Variants in DCLK1 observed in about 807,000 individuals in gnomAD.
DCLK1 encodes serine/threonine-protein kinase DCLK1.
DCLK1 carries 16 observed loss-of-function variants against 86.2 expected under a neutral mutation model. The ratio of observed to expected loss-of-function variants is 0.19; its 90% CI spans 0.13 to 0.28. The LOEUF is 0.28. Among genes scored for constraint, DCLK1 ranks in the 10% least tolerant of loss-of-function variants. The probability of loss-of-function intolerance (pLI) is 1.00; values close to 1 mark genes in which losing one functional copy is unlikely to be tolerated. For missense variants in DCLK1, 590 were observed against 940.2 expected, an observed-to-expected ratio of 0.63 and a Z score of 4.87; for synonymous variants, 369 against 370.5, an observed-to-expected ratio of 1.00 and a Z score of 0.05.
At chr13:35,984,730 T>G (rs1262872643) in intron 3 of DCLK1, among the ~76,000 whole-genome samples, 1 of 152,172 alleles carries the variant, frequency 6.6e-6, no homozygotes, top group Non-Finnish European at 1.5e-5. Flanking sequence ...ATTCCCCTTC[T>G]TCTTCAATTT....
intron 8 of DCLK1, among the ~76,000 whole-genome samples, chr13:35,832,762 C>T (rs1204164375): frequency 6.6e-6 from 1 of 152,178 alleles, no homozygotes; most frequent in Non-Finnish European, 1.5e-5. Flanking sequence ...CTGAGGCATT[C>T]CACAGTGTCT....
chr13:35,858,584 A>G (rs528911833), intron 5 of DCLK1, among the ~76,000 whole-genome samples: 21 of 152,272 alleles, frequency 1.4e-4, no homozygotes, highest in African/African-American at 4.6e-4. Flanking sequence ...TAGCATCTGC[A>G]GGGCTGAGGA....
At chr13:35,914,361 A>ATGTG (rs1875267991) in intron 4 of DCLK1, among the ~76,000 whole-genome samples, 2 of 90,310 alleles carry the variant, frequency 2.2e-5, no homozygotes, top group African/African-American at 1.1e-4. Flanking sequence ...ATATATATAT[A>ATGTG]TATATATGTA....
intron 8 of DCLK1, among the ~76,000 whole-genome samples, chr13:35,829,209 GT>G (rs1372129930): frequency 1.3e-5 from 2 of 152,210 alleles, no homozygotes; most frequent in East Asian, 3.9e-4. Context: ...GAAGGATTTA[GT>G]CGTATCGCTA....
chr13:35,830,110 G>A (rs1464065173), intron 8 of DCLK1, among the ~76,000 whole-genome samples: 7 of 152,194 alleles, frequency 4.6e-5, no homozygotes, highest in Admixed American at 4.6e-4. Context: ...ACGTGGGTTG[G>A]GGCAGTGGCT....
intron 5 of DCLK1, chr13:35,855,633 G>A (rs1871004692): frequency 1.3e-6 from 2 of 1,497,334 alleles, no homozygotes; most frequent in African/African-American, 1.4e-5. Context: ...GTTTAAGGAT[G>A]GCTAAGGCTG....
At chr13:35,860,887 G>C (rs1871344255) in intron 5 of DCLK1, among the ~76,000 whole-genome samples, 1 of 152,198 alleles carries the variant, frequency 6.6e-6, no homozygotes, top group South Asian at 2.1e-4. Context: ...GCTTTAGACA[G>C]CTGAAGAGAC....
At chr13:35,909,633 G>A (rs1229999910) in intron 4 of DCLK1, among the ~76,000 whole-genome samples, 1 of 66,238 alleles carries the variant, frequency 1.5e-5, no homozygotes, top group Non-Finnish European at 3.6e-5. Flanking sequence ...GTGTGTGTGT[G>A]TGTGTGTATT....
At chr13:36,037,117 A>G (rs1270985805) in intron 3 of DCLK1, among the ~76,000 whole-genome samples, 1 of 152,212 alleles carries the variant, frequency 6.6e-6, no homozygotes, top group Non-Finnish European at 1.5e-5. Flanking sequence ...GGAGGCCATT[A>G]TGATAAGTGA....
At chr13:36,084,282 C>T (rs1472619614) in intron 3 of DCLK1, among the ~76,000 whole-genome samples, 1 of 152,118 alleles carries the variant, frequency 6.6e-6, no homozygotes, top group African/African-American at 2.4e-5. Flanking sequence ...TTTCCCTTAT[C>T]CCCAGACAGT....
At chr13:35,846,817 C>T in intron 6 of DCLK1, 1 of 985,056 alleles carries the variant, frequency 1.0e-6, no homozygotes, top group Non-Finnish European at 1.2e-6. Flanking sequence ...TTAACATTTT[C>T]AAGTGTGTAT....
chr13:35,815,275 A>G (rs1181083123), intron 11 of DCLK1, among the ~76,000 whole-genome samples: 1 of 152,244 alleles, frequency 6.6e-6, no homozygotes, highest in African/African-American at 2.4e-5. Context: ...AAAATAAAAC[A>G]TTTAATATAT....
intron 16 of DCLK1, among the ~76,000 whole-genome samples, chr13:35,789,964 T>C (rs1309706927): frequency 1.3e-5 from 2 of 152,146 alleles, no homozygotes; most frequent in Non-Finnish European, 2.9e-5. Flanking sequence ...CACAGAATGC[T>C]GCAATTCTAA....
At chr13:35,853,093 C>A (rs1346664877) in intron 6 of DCLK1, among the ~76,000 whole-genome samples, 1 of 152,172 alleles carries the variant, frequency 6.6e-6, no homozygotes, top group Non-Finnish European at 1.5e-5. Context: ...TCTTCCTTCA[C>A]TCAAGGACAG....
intron 11 of DCLK1, among the ~76,000 whole-genome samples, chr13:35,814,139 C>T (rs1162614496): frequency 3.9e-5 from 6 of 152,130 alleles, no homozygotes; most frequent in South Asian, 2.1e-4. Flanking sequence ...GCCTGAGCTA[C>T]GTGCACCCTT....
At chr13:35,964,781 GAAA>G (rs10533073) in intron 3 of DCLK1, among the ~76,000 whole-genome samples, 67 of 130,246 alleles carry the variant, frequency 5.1e-4, no homozygotes, top group African/African-American at 1.1e-3. Context: ...AAAATGGTTG[GAAA>G]AAAAAAAAAA....
chr13:36,063,692 GA>G (rs1373646745), intron 3 of DCLK1, among the ~76,000 whole-genome samples: 1 of 152,142 alleles, frequency 6.6e-6, no homozygotes, highest in Non-Finnish European at 1.5e-5. Flanking sequence ...ACCTTTCTAA[GA>G]AAACGTGAAA....
chr13:35,979,945 T>C (rs931628211), intron 3 of DCLK1, among the ~76,000 whole-genome samples: 1 of 152,186 alleles, frequency 6.6e-6, no homozygotes, highest in Non-Finnish European at 1.5e-5. Flanking sequence ...GTTGAAAATA[T>C]AACAAAATCC....
intron 15 of DCLK1, among the ~76,000 whole-genome samples, chr13:35,795,594 T>A (rs760699281): frequency 6.6e-6 from 1 of 152,056 alleles, no homozygotes; most frequent in African/African-American, 2.4e-5. Context: ...CAAGGGTGAA[T>A]TGAATGGTGT....
Sources: gnomAD v4.1 joint callset for allele counts (sites outside exome capture counted in the v4.1 genomes callset) on GRCh38, gnomAD v4.1.1 for gene constraint, MANE v1.5 for transcripts, NCBI Gene and HGNC (gene_info 2026-07-23, HGNC 2026-07-21) for gene names.